CNTNAP2: variants seen among roughly 807,000 people sequenced by gnomAD.
CNTNAP2 encodes the protein contactin-associated protein-like 2.
CNTNAP2 carries 98 observed loss-of-function variants against 155.2 expected under a neutral mutation model. The observed-to-expected ratio is 0.63, with a 90% confidence interval of 0.54 to 0.75. The LOEUF is 0.75. Ranked by LOEUF, CNTNAP2 falls within the 30% of genes least tolerant of loss-of-function variation. The probability of loss-of-function intolerance (pLI) is 0.00; values close to 1 mark genes in which losing one functional copy is unlikely to be tolerated. For synonymous variants in CNTNAP2, 651 were observed against 631.2 expected (o/e 1.03, Z -0.47); for missense variants, 1,727 against 1,688.1 (o/e 1.02, Z -0.40).
rs114391077 is a variant in CNTNAP2 at position 148,266,466 on chromosome 7, C to T, written c.3382-567C>T. Among the ~76,000 whole-genome samples, 1,310 of 152,266 alleles carry T rather than the reference C, an allele frequency of 8.6e-3. 24 individuals carry two copies. The highest frequency in any genetic ancestry group is 0.03 in the African/African-American group (1,229 of 41,548). ...GCTTCCGTGGTTACTGTCTGTGCAC[C>T]GTTCCCAACAGCTTCATTTCTCTCC... is the stretch of plus-strand genomic sequence containing the variant. On this transcript the variant is annotated intron_variant, in intron 20 of 23. Transcript: ENST00000361727.
At chr7:148,002,414 T>G (rs1001133890) in intron 15 of CNTNAP2, among the ~76,000 whole-genome samples, 1 of 152,074 alleles carries the variant, frequency 6.6e-6, no homozygotes. Flanking sequence ...AGAAAAAAAA[T>G]GCGCACTTTT....
chr7:147,103,467 T>C (rs1393144465), intron 4 of CNTNAP2, among the ~76,000 whole-genome samples: 1 of 152,160 alleles, frequency 6.6e-6, no homozygotes, highest in Non-Finnish European at 1.5e-5. Flanking sequence ...GTTTCAGAAA[T>C]GAAATGTATT....
chr7:147,683,589 T>G (rs1795978076), intron 13 of CNTNAP2, among the ~76,000 whole-genome samples: 1 of 151,846 alleles, frequency 6.6e-6, no homozygotes, highest in Non-Finnish European at 1.5e-5. Flanking sequence ...CATATTATTA[T>G]CTCTTCCAGC....
intron 1 of CNTNAP2, among the ~76,000 whole-genome samples, chr7:146,444,174 G>A (rs773729439): frequency 7.2e-5 from 11 of 151,812 alleles, no homozygotes; most frequent in South Asian, 2.1e-4. Flanking sequence ...ACAGGCACTC[G>A]CCACCATGCC....
intron 3 of CNTNAP2, among the ~76,000 whole-genome samples, chr7:146,917,345 T>C (rs527995328): frequency 6.6e-6 from 1 of 152,306 alleles, no homozygotes; most frequent in African/African-American, 2.4e-5. Flanking sequence ...GGGTATAGTT[T>C]AAGTCCGTTG....
chr7:146,192,002 T>G (rs1415994256), intron 1 of CNTNAP2, among the ~76,000 whole-genome samples: 1 of 152,176 alleles, frequency 6.6e-6, no homozygotes, highest in Non-Finnish European at 1.5e-5. Flanking sequence ...CACAAGAGTA[T>G]TGACTGGGGA....
At chr7:147,139,369 C>A (rs1460473282) in intron 8 of CNTNAP2, among the ~76,000 whole-genome samples, 1 of 151,960 alleles carries the variant, frequency 6.6e-6, no homozygotes, top group African/African-American at 2.4e-5. Flanking sequence ...GATGTTTTTG[C>A]AATTGCGTGT....
chr7:147,788,602 A>G (rs137913619), intron 13 of CNTNAP2, among the ~76,000 whole-genome samples: 66 of 152,262 alleles, frequency 4.3e-4, no homozygotes, highest in African/African-American at 1.4e-3. Context: ...CATACCTTCT[A>G]TATGCAAATG....
intron 3 of CNTNAP2, among the ~76,000 whole-genome samples, chr7:146,970,919 G>T (rs569698863): frequency 1.3e-5 from 2 of 152,150 alleles, no homozygotes; most frequent in South Asian, 2.1e-4. Flanking sequence ...TAGGGACATG[G>T]ATGAAATTGG....
At chr7:147,433,379 AGTT>A (rs1452246866) in intron 10 of CNTNAP2, among the ~76,000 whole-genome samples, 2 of 152,170 alleles carry the variant, frequency 1.3e-5, no homozygotes, top group Non-Finnish European at 2.9e-5. Context: ...GTTGGGATAA[AGTT>A]GTAGACAATC....
intron 2 of CNTNAP2, among the ~76,000 whole-genome samples, chr7:146,821,165 T>G (rs1220777882): frequency 1.3e-5 from 2 of 152,176 alleles, no homozygotes; most frequent in Non-Finnish European, 2.9e-5. Flanking sequence ...CCCATTTACA[T>G]TTAAAGTTAA....
intron 1 of CNTNAP2, among the ~76,000 whole-genome samples, chr7:146,650,984 G>C (rs1471364026): frequency 1.3e-5 from 2 of 151,910 alleles, no homozygotes; most frequent in South Asian, 2.1e-4. Flanking sequence ...CACGCTGGTG[G>C]ATAGTGACTG....
intron 13 of CNTNAP2, among the ~76,000 whole-genome samples, chr7:147,696,770 A>G (rs2116999089): frequency 6.6e-6 from 1 of 152,208 alleles, no homozygotes; most frequent in African/African-American, 2.4e-5. Context: ...AGTTTTGCAG[A>G]GTGCAGAATT....
chr7:147,101,876 G>C (rs532321098), intron 4 of CNTNAP2, among the ~76,000 whole-genome samples: 2 of 152,236 alleles, frequency 1.3e-5, no homozygotes, highest in South Asian at 2.1e-4. Context: ...GGCAGGCCAG[G>C]GTGGTTTTGA....
intron 20 of CNTNAP2, among the ~76,000 whole-genome samples, chr7:148,239,853 TGAAGAAG>T (rs1385108056): frequency 2.6e-5 from 4 of 152,162 alleles, no homozygotes; most frequent in Non-Finnish European, 4.4e-5. Context: ...AAGATCCTGC[TGAAGAAG>T]ACAGAAGGTT....
chr7:147,246,950 CA>C (rs957985000), intron 8 of CNTNAP2, among the ~76,000 whole-genome samples: 11 of 152,132 alleles, frequency 7.2e-5, no homozygotes, highest in African/African-American at 2.7e-4. Flanking sequence ...CTAAACCCAA[CA>C]AAAAAGTTTC....
intron 1 of CNTNAP2, among the ~76,000 whole-genome samples, chr7:146,402,763 T>G (rs73738754): frequency 0.017 from 2,583 of 152,214 alleles, 77 homozygotes; most frequent in African/African-American, 0.058. Flanking sequence ...GGTGACTACA[T>G]CAAAAAGTTT....
chr7:147,353,120 T>TATGTAC (rs1563171429), intron 9 of CNTNAP2, among the ~76,000 whole-genome samples: 7 of 151,748 alleles, frequency 4.6e-5, no homozygotes, highest in South Asian at 2.1e-4. Flanking sequence ...TGTATATGTA[T>TATGTAC]ATATACATAC....
chr7:148,408,968 C>G (rs1799765219), intron 22 of CNTNAP2, among the ~76,000 whole-genome samples: 1 of 152,156 alleles, frequency 6.6e-6, no homozygotes, highest in South Asian at 2.1e-4. Context: ...CCTTTTTAAA[C>G]TTTTTAATAC....
Sources: allele counts gnomAD v4.1 joint callset (sites outside exome capture counted in the v4.1 genomes callset), GRCh38; gene constraint gnomAD v4.1.1; transcripts MANE v1.5; gene names NCBI Gene and HGNC (gene_info 2026-07-23, HGNC 2026-07-21).